The following TCF3 variants were observed in gnomAD, a reference collection of about 807,000 sequenced individuals.
TCF3 encodes the protein transcription factor 3.
In TCF3, 54 loss-of-function variants were observed where a neutral mutation model predicts 72.3. That is an observed-to-expected ratio of 0.75 (90% CI 0.60 to 0.94). The LOEUF is 0.94. TCF3 is among the 40% of genes least tolerant of loss of function. The pLI is 0.00. For synonymous variants in TCF3, 525 were observed against 412.6 expected, an observed-to-expected ratio of 1.27 and a Z score of -3.30; for missense variants, 1,078 against 934.4, an observed-to-expected ratio of 1.15 and a Z score of -2.00.
chr19:1,620,677 G>A (rs1320843159), intron 13 of TCF3, among the ~76,000 whole-genome samples: 1 of 152,156 alleles, frequency 6.6e-6, no homozygotes, highest in Admixed American at 6.5e-5. Flanking sequence ...CTGGTTATGT[G>A]CTATAGCCTT....
Position 1,609,789 on chromosome 19 carries a change from G to C in TCF3, c.*1918C>G, listed in dbSNP as rs1348767530. On this transcript the variant is annotated 3_prime_UTR_variant, in exon 19 of 19. Transcript: ENST00000262965. ...TGAGGTTTCCCTTGCATCTACCATGGGGCCCAGGCTCCCAAGCCAGTCTGG... is the reference window on the plus strand; with the variant it reads ...TGAGGTTTCCCTTGCATCTACCATGCGGCCCAGGCTCCCAAGCCAGTCTGG... The C allele has an allele frequency of 1.3e-5, 3 of 231,284 alleles. No homozygotes were observed. Among genetic ancestry groups the C allele is most frequent in the African/African-American group, 4.4e-5 (2 of 45,196 alleles). The allele number at this position is 231,284 out of a possible 1,614,324, so 14.3% of individuals were successfully genotyped here.
At chr19:1,628,029 G>A (rs1323091422) in intron 5 of TCF3, among the ~76,000 whole-genome samples, 2 of 2,560 alleles carry the variant, frequency 7.8e-4, no homozygotes, top group Non-Finnish European at 8.8e-4. Context: ...GGTGAGGCGG[G>A]AAGGGGACAG....
intron 1 of TCF3, chr19:1,650,888 C>T (rs1428093440): frequency 4.3e-6 from 1 of 230,172 alleles, no homozygotes; most frequent in Non-Finnish European, 8.6e-6. Context: ...GACGCGCATC[C>T]TATGCAGGGA....
At chr19:1,641,730 G>A (rs1600024275) in intron 3 of TCF3, among the ~76,000 whole-genome samples, 2 of 152,108 alleles carry the variant, frequency 1.3e-5, no homozygotes, top group Admixed American at 1.3e-4. Context: ...TGGGATTATA[G>A]GTGTGAGCCA....
intron 7 of TCF3, 63 bp from the exon 8 acceptor site, chr19:1,624,063 C>T: frequency 6.5e-7 from 1 of 1,533,168 alleles, no homozygotes; most frequent in Non-Finnish European, 9.0e-7. Context: ...TGCCCTACAC[C>T]CTGGAGGAGA....
Position 1,619,176 on chromosome 19 carries a change from T to C in TCF3, c.1385A>G (p.His462Arg), listed in dbSNP as rs772237833. The part of the protein sequence containing the change: ...LAGSTSLMHN[H>R]AALPSQPGTL... ...GCCTGGCTGGCTGGGGAGGGCCGCG[T>C]GGTTGTGCATGAGGCTGGTGCTGCC... Residue 462 changes from histidine to arginine, a missense_variant, in exon 16 of 19, where the codon CAC (histidine) becomes CGC (arginine). His to Arg is a conservative substitution (Grantham distance 29). Transcript: ENST00000262965. 4 of 1,600,176 alleles carry C rather than the reference T, an allele frequency of 2.5e-6. No homozygotes were observed. The South Asian group carries it at 3.3e-5, about 13-fold the overall frequency.
At chr19:1,625,182 G>A (rs972813613) in intron 7 of TCF3, among the ~76,000 whole-genome samples, 1 of 152,242 alleles carries the variant, frequency 6.6e-6, no homozygotes, top group African/African-American at 2.4e-5. Context: ...GGTAGTTCAA[G>A]GCGCCGTCCA....
chr19:1,615,259 C>T lies in TCF3; in HGVS notation c.1822+26G>A, dbSNP rs1019870500. The T allele has an allele frequency of 1.4e-5, 22 of 1,552,430 alleles. No individual in the cohort carries two copies. Among genetic ancestry groups the T allele is most frequent in the Non-Finnish European group, 1.7e-5 (20 of 1,145,996 alleles). Reference sequence around the variant, plus strand: ...ACGAGGGAGGGTGGCGCTGCAGGGACGCTGGTGGCCCGCGCCCCCACTGAC... The same window carrying T: ...ACGAGGGAGGGTGGCGCTGCAGGGATGCTGGTGGCCCGCGCCCCCACTGAC... On this transcript the variant is annotated intron_variant, in intron 18 of 18. Coordinates refer to ENST00000262965, the MANE Select transcript of TCF3 (RefSeq NM_003200.5). This position sits in a 1 kb window ranked among gnomAD's most constrained non-coding sequence, Gnocchi z 7.3.
chr19:1,648,817 T>TGGG (rs4030798), intron 2 of TCF3, among the ~76,000 whole-genome samples: 2 of 118,788 alleles, frequency 1.7e-5, no homozygotes, highest in Non-Finnish European at 3.7e-5. Context: ...CCACTGGGCA[T>TGGG]GGGGGGGGGG....
At chr19:1,618,946 C>T (rs2061845615) in intron 16 of TCF3, among the ~76,000 whole-genome samples, 165 bp downstream of exon 16, 2 of 152,224 alleles carry the variant, frequency 1.3e-5, no homozygotes, top group African/African-American at 4.8e-5. Context: ...GCCGGCCCCG[C>T]CGGTCTTACC....
At chr19:1,631,886 G>C in intron 5 of TCF3, 152 bp downstream of exon 5, 1 of 1,524,210 alleles carries the variant, frequency 6.6e-7, no homozygotes, top group Non-Finnish European at 8.8e-7. Context: ...CCTCCCCGCA[G>C]CTGCTCCCAG....
At chr19:1,629,486 G>GC (rs1158034896) in intron 5 of TCF3, among the ~76,000 whole-genome samples, 1 of 152,026 alleles carries the variant, frequency 6.6e-6, no homozygotes, top group Non-Finnish European at 1.5e-5. Flanking sequence ...GCCAGGGCGA[G>GC]CCCCCAGCAT....
chr19:1,613,798 G>C (rs1002036704), intron 18 of TCF3, among the ~76,000 whole-genome samples: 1 of 152,102 alleles, frequency 6.6e-6, no homozygotes, highest in Non-Finnish European at 1.5e-5. Flanking sequence ...CCCTCCCTGA[G>C]CTCCTGCCCC....
At chr19:1,647,247 C>A (rs986385503) in intron 2 of TCF3, among the ~76,000 whole-genome samples, 1 of 152,104 alleles carries the variant, frequency 6.6e-6, no homozygotes, top group Non-Finnish European at 1.5e-5. Context: ...CCAACGGCAA[C>A]AAACCCTTTT....
At chr19:1,638,484 C>T (rs374675722) in intron 3 of TCF3, among the ~76,000 whole-genome samples, 1 of 152,284 alleles carries the variant, frequency 6.6e-6, no homozygotes, top group East Asian at 1.9e-4. Context: ...GGCATTTCAC[C>T]GTGTTAACCA....
chr19:1,627,016 G>C (rs1212509076), intron 6 of TCF3, among the ~76,000 whole-genome samples: 8 of 152,316 alleles, frequency 5.3e-5, no homozygotes, highest in African/African-American at 1.9e-4. Flanking sequence ...TGAGGATCTC[G>C]GCTGCACAGG....
At chr19:1,613,174 C>T (rs1489677920) in intron 18 of TCF3, among the ~76,000 whole-genome samples, 6 of 152,108 alleles carry the variant, frequency 3.9e-5, no homozygotes, top group African/African-American at 1.2e-4. Context: ...TTGTCACATG[C>T]GTGAAAATGT....
intron 16 of TCF3, 113 bp downstream of exon 16, chr19:1,618,998 G>A (rs1203724732): frequency 4.6e-6 from 7 of 1,529,766 alleles, no homozygotes; most frequent in African/African-American, 2.8e-5. Context: ...ATGTCACCAG[G>A]TGCCCCCACG....
In TCF3 at chr19:1,621,132, C is replaced by A; in HGVS notation, c.1014+1G>T. On this transcript the variant is annotated splice_donor_variant, in intron 12 of 18. Coordinates refer to ENST00000262965, the MANE Select transcript of TCF3 (RefSeq NM_003200.5). LOFTEE classifies it high-confidence loss of function. The stretch of plus-strand genomic sequence containing the variant: ...GCCACCCCCCATGCCCCACGCCTCA[C>A]CGAGGCCAGTGCTTTGCCGAGGGCA... The A allele has an allele frequency of 6.5e-7, 1 of 1,540,936 alleles. No individual in the cohort carries two copies. The highest frequency in any genetic ancestry group is 1.4e-5 in the African/African-American group (1 of 73,150).
Sources: allele counts gnomAD v4.1 joint callset (sites outside exome capture counted in the v4.1 genomes callset), GRCh38; gene constraint gnomAD v4.1.1; non-coding constraint Gnocchi (gnomAD v3.1); transcripts MANE v1.5; gene names NCBI Gene and HGNC (gene_info 2026-07-23, HGNC 2026-07-21).